The following DOK6 variants were observed in gnomAD, a reference collection of about 807,000 sequenced individuals.
DOK6 encodes the protein docking protein 6.
DOK6 carries 22 observed loss-of-function variants against 44.0 expected under a neutral mutation model. That is an observed-to-expected ratio of 0.50 (90% confidence interval 0.36 to 0.71). The LOEUF is 0.71. DOK6 is among the 30% of genes least tolerant of loss of function. The pLI is 0.00. For synonymous variants in DOK6, 166 were observed against 145.5 expected (o/e 1.14, Z -1.01); for missense variants, 340 against 416.4 (o/e 0.82, Z 1.60).
intron 1 of DOK6, among the ~76,000 whole-genome samples, chr18:69,507,608 T>G (rs1452796625): frequency 6.6e-6 from 1 of 152,168 alleles, no homozygotes; most frequent in Non-Finnish European, 1.5e-5. Flanking sequence ...CTGCACATAT[T>G]TGGTAAGATT....
chr18:69,427,370 A>G (rs1408550163), intron 1 of DOK6, among the ~76,000 whole-genome samples: 2 of 149,718 alleles, frequency 1.3e-5, no homozygotes, highest in Admixed American at 6.7e-5. Flanking sequence ...ATCATATGAA[A>G]AAAAGCATAA....
At chr18:69,746,791 T>G (rs1978999530) in intron 6 of DOK6, among the ~76,000 whole-genome samples, 1 of 152,336 alleles carries the variant, frequency 6.6e-6, no homozygotes, top group East Asian at 1.9e-4. Flanking sequence ...AAGCCAAGTC[T>G]GTGATAAGCC....
intron 5 of DOK6, among the ~76,000 whole-genome samples, chr18:69,737,714 A>T (rs866580539): frequency 9.9e-5 from 15 of 152,194 alleles, no homozygotes; most frequent in African/African-American, 2.7e-4. Flanking sequence ...TACTTCAGAG[A>T]CAAAAATCCC....
intron 1 of DOK6, among the ~76,000 whole-genome samples, chr18:69,512,520 T>A (rs370939792): frequency 6.6e-6 from 1 of 152,000 alleles, no homozygotes; most frequent in Admixed American, 6.5e-5. Context: ...ATTTTTGTGT[T>A]TTTAGTAGAG....
chr18:69,692,682 C>G (rs150911906), intron 4 of DOK6, among the ~76,000 whole-genome samples: 1 of 152,328 alleles, frequency 6.6e-6, no homozygotes, highest in East Asian at 1.9e-4. Flanking sequence ...CATTTATGCT[C>G]AGATAGGCCC....
At chr18:69,509,554 C>T (rs1444478814) in intron 1 of DOK6, among the ~76,000 whole-genome samples, 3 of 140,998 alleles carry the variant, frequency 2.1e-5, no homozygotes, top group East Asian at 2.3e-4. Flanking sequence ...AGGAGAATGG[C>T]GTGAACCCGG....
chr18:69,601,173 A>G (rs1457244508), intron 3 of DOK6, among the ~76,000 whole-genome samples: 3 of 152,226 alleles, frequency 2.0e-5, no homozygotes, highest in South Asian at 4.1e-4. Flanking sequence ...TTGCTGCTCC[A>G]TGACTCTTTT....
chr18:69,517,513 T>C (rs1981562098), intron 1 of DOK6, among the ~76,000 whole-genome samples: 1 of 152,172 alleles, frequency 6.6e-6, no homozygotes, highest in African/African-American at 2.4e-5. Flanking sequence ...TCTTCTATAA[T>C]CCGGTCCTCT....
intron 7 of DOK6, among the ~76,000 whole-genome samples, chr18:69,766,408 G>A (rs1042328319): frequency 1.3e-5 from 2 of 152,062 alleles, no homozygotes; most frequent in Non-Finnish European, 2.9e-5. Flanking sequence ...AGTCGAAATT[G>A]TTTATTTAAA....
chr18:69,599,290 C>A, intron 2 of DOK6, 94 bp from the exon 3 acceptor site: 1 of 892,692 alleles, frequency 1.1e-6, no homozygotes. Flanking sequence ...CGTGGAAATT[C>A]ATGTAAGACT....
At chr18:69,734,232 A>G (rs946570050) in intron 5 of DOK6, among the ~76,000 whole-genome samples, 18 of 151,786 alleles carry the variant, frequency 1.2e-4, no homozygotes, top group Middle Eastern at 3.4e-3. Flanking sequence ...TACTTGGACC[A>G]TATGTTTAAC....
intron 2 of DOK6, among the ~76,000 whole-genome samples, chr18:69,593,664 G>C (rs957012492): frequency 6.6e-6 from 1 of 152,138 alleles, no homozygotes; most frequent in Non-Finnish European, 1.5e-5. Flanking sequence ...CCTGGGGTTT[G>C]CTGCATTTTG....
chr18:69,781,661 G>A (rs778181452), intron 7 of DOK6, among the ~76,000 whole-genome samples: 2 of 152,116 alleles, frequency 1.3e-5, no homozygotes, highest in African/African-American at 2.4e-5. Flanking sequence ...ATTTAAAATA[G>A]TGTTATGCAG....
intron 2 of DOK6, among the ~76,000 whole-genome samples, chr18:69,590,775 G>A (rs144230442): frequency 6.6e-6 from 1 of 152,252 alleles, no homozygotes; most frequent in African/African-American, 2.4e-5. Context: ...AAATATTTCG[G>A]AAGAGAAAGA....
chr18:69,448,659 CCA>C (rs1979365557), intron 1 of DOK6, among the ~76,000 whole-genome samples: 1 of 152,184 alleles, frequency 6.6e-6, no homozygotes, highest in Non-Finnish European at 1.5e-5. Context: ...CAGGTGTGAG[CCA>C]CCGTGCCCAG....
At chr18:69,576,572 T>C (rs1271052335) in intron 2 of DOK6, among the ~76,000 whole-genome samples, 1 of 152,152 alleles carries the variant, frequency 6.6e-6, no homozygotes, top group Non-Finnish European at 1.5e-5. Context: ...ATGGTCTCAT[T>C]TAGACATTTG....
chr18:69,798,775 C>T (rs537972668), intron 7 of DOK6, among the ~76,000 whole-genome samples: 2 of 151,670 alleles, frequency 1.3e-5, no homozygotes, highest in Admixed American at 1.3e-4. Context: ...AAATGTTCTG[C>T]ATATTACCAT....
intron 1 of DOK6, among the ~76,000 whole-genome samples, chr18:69,551,583 C>T (rs1353660303): frequency 6.6e-6 from 1 of 152,098 alleles, no homozygotes; most frequent in African/African-American, 2.4e-5. Flanking sequence ...TACTAAGGTT[C>T]CTCTGCTCAG....
chr18:69,430,916 A>C (rs1019527768), intron 1 of DOK6, among the ~76,000 whole-genome samples: 4 of 152,196 alleles, frequency 2.6e-5, no homozygotes, highest in Admixed American at 6.5e-5. Flanking sequence ...CAGTGAGCTG[A>C]GATTGCGCCA....
Sources: allele counts gnomAD v4.1 joint callset (sites outside exome capture counted in the v4.1 genomes callset), GRCh38; gene constraint gnomAD v4.1.1; transcripts MANE v1.5; gene names NCBI Gene and HGNC (gene_info 2026-07-23, HGNC 2026-07-21).